The following PDZD2 variants were observed in gnomAD, a reference collection of about 807,000 sequenced individuals.
PDZD2 encodes the protein PDZ domain-containing protein 2.
A neutral mutation model predicts 220.7 loss-of-function variants in PDZD2; 90 were observed. The observed-to-expected ratio is 0.41, with a 90% confidence interval of 0.34 to 0.49. PDZD2 has a LOEUF of 0.49. PDZD2 is among the 20% of genes least tolerant of loss of function. The pLI is 0.28. For missense variants in PDZD2, 3,174 were observed against 3,608.5 expected, an observed-to-expected ratio of 0.88 and a Z score of 3.08; for synonymous variants, 1,375 against 1,450.5, an observed-to-expected ratio of 0.95 and a Z score of 1.18.
At chr5:31,749,868 C>A (rs1750838198) in intron 1 of PDZD2, among the ~76,000 whole-genome samples, 1 of 152,216 alleles carries the variant, frequency 6.6e-6, no homozygotes, top group African/African-American at 2.4e-5. Context: ...GTGGCTTCCC[C>A]TTCCCGGTGA....
At chr5:31,666,775 A>C (rs887148248) in intron 1 of PDZD2, among the ~76,000 whole-genome samples, 1 of 152,212 alleles carries the variant, frequency 6.6e-6, no homozygotes, top group African/African-American at 2.4e-5. Flanking sequence ...ACTGAAGGCA[A>C]AATATCCAAG....
chr5:31,822,786 G>A (rs1192682806), intron 2 of PDZD2: 7 of 984,154 alleles, frequency 7.1e-6, no homozygotes, highest in Non-Finnish European at 1.1e-5. Context: ...TTTCACCCAA[G>A]AAATTTCAGA....
chr5:31,912,880 T>C (rs1393761928), intron 2 of PDZD2, among the ~76,000 whole-genome samples: 1 of 152,218 alleles, frequency 6.6e-6, no homozygotes, highest in Non-Finnish European at 1.5e-5. Flanking sequence ...CGGGCTTTCA[T>C]CTGCTGGGTC....
At chr5:31,672,169 C>G (rs1207207291) in intron 1 of PDZD2, among the ~76,000 whole-genome samples, 1 of 152,158 alleles carries the variant, frequency 6.6e-6, no homozygotes. Context: ...AACGACTGTC[C>G]TAGATGTTCT....
At chr5:31,650,315 G>GGTTGCATATCTATT (rs1745303066) in intron 1 of PDZD2, among the ~76,000 whole-genome samples, 1 of 152,152 alleles carries the variant, frequency 6.6e-6, no homozygotes, top group Non-Finnish European at 1.5e-5. Context: ...ACTTGACTGA[G>GGTTGCATATCTATT]GTTGCATATC....
Position 31,907,062 on chromosome 5 carries a change from C to G in PDZD2, c.477-76093C>G, listed in dbSNP as rs79903836. ...AAAAGATCAACACAAAGGGATTTGTCTTGTTATAGTGGATGATTGTTTTGT... is the reference window on the plus strand; with the variant it reads ...AAAAGATCAACACAAAGGGATTTGTGTTGTTATAGTGGATGATTGTTTTGT... On this transcript the variant is annotated intron_variant, in intron 2 of 24. Transcript: ENST00000438447. 7.2e-3 allele frequency among the ~76,000 whole-genome samples: 1,089 copies of G among 152,240 alleles called. 21 individuals carry two copies. Among genetic ancestry groups the G allele is most frequent in the African/African-American group, 0.025 (1,054 of 41,540 alleles).
intron 1 of PDZD2, among the ~76,000 whole-genome samples, chr5:31,704,770 G>A (rs1747742532): frequency 6.6e-6 from 1 of 152,136 alleles, no homozygotes; most frequent in South Asian, 2.1e-4. Flanking sequence ...GGTATTGTTT[G>A]GCAAAGAGGG....
chr5:31,778,176 G>C (rs996534553), intron 1 of PDZD2, among the ~76,000 whole-genome samples: 2 of 152,176 alleles, frequency 1.3e-5, no homozygotes, highest in South Asian at 2.1e-4. Flanking sequence ...TCTGTGTCTA[G>C]CTCAGGGATT....
intron 3 of PDZD2, among the ~76,000 whole-genome samples, chr5:31,988,518 G>T (rs73751755): frequency 2.7e-5 from 4 of 149,742 alleles, no homozygotes; most frequent in African/African-American, 1.0e-4. Flanking sequence ...CATCCTGGAA[G>T]CTCTCCAAAC....
intron 24 of PDZD2, among the ~76,000 whole-genome samples, chr5:32,104,716 T>TAAAAAAAAA (rs755177769): frequency 1.0e-4 from 3 of 30,098 alleles, no homozygotes; most frequent in East Asian, 1.7e-3. Flanking sequence ...AGGCTCCATC[T>TAAAAAAAAA]AAAAAAAAAA....
At chr5:31,661,691 T>C (rs1445982320) in intron 1 of PDZD2, among the ~76,000 whole-genome samples, 4 of 152,134 alleles carry the variant, frequency 2.6e-5, no homozygotes, top group Non-Finnish European at 5.9e-5. Flanking sequence ...TTTCTTAGCC[T>C]TTGGGCTTGA....
intron 2 of PDZD2, among the ~76,000 whole-genome samples, chr5:31,887,726 G>C (rs1207313584): frequency 6.6e-6 from 1 of 152,098 alleles, no homozygotes; most frequent in Non-Finnish European, 1.5e-5. Context: ...ACAGTGTCAA[G>C]AATGACACAG....
chr5:31,674,288 G>A (rs559022396), intron 1 of PDZD2, among the ~76,000 whole-genome samples: 2 of 152,248 alleles, frequency 1.3e-5, no homozygotes, highest in South Asian at 2.1e-4. Flanking sequence ...GAGAAAAATC[G>A]AGTCAAGAGA....
At position 31,740,386 on chromosome 5, in the gene PDZD2, A is replaced by G. The variant is rs1387246554; in HGVS notation, c.-360-58503A>G. On this transcript the variant is annotated intron_variant, in intron 1 of 24. Transcript: ENST00000438447. ...ATCAAAAAAAAAAAATTAGCTGGGC[A>G]TGGTGGCAGGCGCCTGTAGTCCCAG... 4.0e-5 allele frequency among the ~76,000 whole-genome samples: 6 copies of G among 151,512 alleles called. No homozygotes were observed. In the South Asian group the frequency reaches 1.0e-3, roughly 26 times the overall value.
At chr5:31,828,074 A>G (rs987961006) in intron 2 of PDZD2, among the ~76,000 whole-genome samples, 5 of 152,228 alleles carry the variant, frequency 3.3e-5, no homozygotes, top group Admixed American at 6.5e-5. Context: ...ATGTTTAACC[A>G]CATTTGTTTA....
chr5:32,004,274 T>G (rs2112040087), intron 5 of PDZD2, among the ~76,000 whole-genome samples: 1 of 152,186 alleles, frequency 6.6e-6, no homozygotes, highest in Non-Finnish European at 1.5e-5. Flanking sequence ...TTCTTTTTAT[T>G]CAGTGAATGG....
chr5:31,685,867 T>C (rs1191943638), intron 1 of PDZD2, among the ~76,000 whole-genome samples: 3 of 151,636 alleles, frequency 2.0e-5, no homozygotes, highest in African/African-American at 7.3e-5. Context: ...TATCTGTCAG[T>C]GTTTTTACTA....
intron 1 of PDZD2, among the ~76,000 whole-genome samples, chr5:31,653,873 C>T (rs1194473678): frequency 6.6e-6 from 1 of 152,158 alleles, no homozygotes; most frequent in African/African-American, 2.4e-5. Context: ...CAACCTCCAC[C>T]TCCCAGGTTC....
chr5:31,739,523 A>T (rs1022079188), intron 1 of PDZD2, among the ~76,000 whole-genome samples: 4 of 152,224 alleles, frequency 2.6e-5, no homozygotes, highest in African/African-American at 9.6e-5. Context: ...AGAAGGGAAG[A>T]TATGAGGAGA....
Sources: allele counts gnomAD v4.1 joint callset (sites outside exome capture counted in the v4.1 genomes callset), GRCh38; gene constraint gnomAD v4.1.1; transcripts MANE v1.5; gene names NCBI Gene and HGNC (gene_info 2026-07-23, HGNC 2026-07-21).